Variants in TBC1D1 observed in about 807,000 individuals in gnomAD.
TBC1D1 encodes TBC1 domain family member 1.
Under a neutral mutation model 125.6 loss-of-function variants are expected in TBC1D1, and 89 were observed. The observed-to-expected ratio is 0.71, with a 90% CI of 0.60 to 0.85. The LOEUF (loss-of-function observed/expected upper bound fraction) is 0.85, where lower values mean the gene tolerates loss of function less well. Among genes scored for constraint, TBC1D1 ranks in the 40% least tolerant of loss-of-function variants. TBC1D1 has a pLI of 0.00. For missense variants in TBC1D1, 1,377 were observed against 1,469.2 expected (o/e 0.94, Z 1.03); for synonymous variants, 565 against 564.1 (o/e 1.00, Z -0.02).
chr4:38,052,790 A>G (rs1194549054), intron 11 of TBC1D1, among the ~76,000 whole-genome samples: 1 of 150,888 alleles, frequency 6.6e-6, no homozygotes, highest in African/African-American at 2.4e-5. Flanking sequence ...TTGATCATGT[A>G]CACTGCAATT....
intron 18 of TBC1D1, 115 bp from the exon 21 acceptor site, chr4:38,132,969 G>T: frequency 2.6e-6 from 2 of 769,914 alleles, no homozygotes; most frequent in Admixed American, 3.0e-5. Flanking sequence ...CAAGTGTAGA[G>T]CTAAGCGTAG....
chr4:37,905,450 G>A lies in TBC1D1; in HGVS notation c.417+2938G>A, dbSNP rs544828977. On this transcript the variant is annotated intron_variant, in intron 2 of 19. Transcript: ENST00000261439. ...ATTTTTTAAAATTGAGAAGCAAAAGGACGTCAGAAGGAGCCAAATTAGGCC... is the reference window on the plus strand; with the variant it reads ...ATTTTTTAAAATTGAGAAGCAAAAGAACGTCAGAAGGAGCCAAATTAGGCC... Among the ~76,000 whole-genome samples, 17 of 152,256 alleles carry A rather than the reference G, an allele frequency of 1.1e-4. No homozygotes were observed. The East Asian group carries it at 3.1e-3, about 28-fold the overall frequency.
At chr4:38,041,649 A>G (rs749028579) in intron 8 of TBC1D1, among the ~76,000 whole-genome samples, 24 of 152,266 alleles carry the variant, frequency 1.6e-4, no homozygotes, top group Non-Finnish European at 3.1e-4. Flanking sequence ...AAATTTGTCA[A>G]CAGGAATAAA....
chr4:37,920,548 T>C (rs961055065), intron 2 of TBC1D1, among the ~76,000 whole-genome samples: 2 of 152,116 alleles, frequency 1.3e-5, no homozygotes, highest in African/African-American at 4.8e-5. Context: ...GCCGATGACT[T>C]CCACTGCAGA....
chr4:38,091,717 T>C (rs1044923783), intron 13 of TBC1D1, among the ~76,000 whole-genome samples: 1 of 152,304 alleles, frequency 6.6e-6, no homozygotes, highest in East Asian at 1.9e-4. Context: ...GCAAAACCAG[T>C]GTGCCACAAA....
rs768175721 is a variant in TBC1D1 at position 38,054,303 on chromosome 4, C to T, written c.2015C>T (p.Pro672Leu). Residue 672 changes from proline (P) to leucine (L), a missense_variant, in exon 12 of 20, where the codon CCG becomes CTG. By Grantham distance (98) the Pro-to-Leu change is moderately conservative. Coordinates refer to ENST00000261439, the MANE Select transcript of TBC1D1 (RefSeq NM_015173.4). ...CAGATATTCCTCCGAGTAGCCACCC[C>T]GCAGAAGGCGTGCGATTCTTCCAGC... 1 of 1,614,146 alleles carries T rather than the reference C, an allele frequency of 6.2e-7. No individual in the cohort carries two copies. Among genetic ancestry groups the T allele is most frequent in the East Asian group, 2.2e-5 (1 of 44,888 alleles).
At chr4:37,892,284 C>T (rs1284303964) in intron 1 of TBC1D1, among the ~76,000 whole-genome samples, 2 of 152,136 alleles carry the variant, frequency 1.3e-5, no homozygotes, top group African/African-American at 2.4e-5. Context: ...GGGGTGGTGG[C>T]ACCCACCTGT....
intron 2 of TBC1D1, among the ~76,000 whole-genome samples, chr4:38,000,172 G>A (rs1738717962): frequency 6.6e-6 from 1 of 152,112 alleles, no homozygotes; most frequent in African/African-American, 2.4e-5. Flanking sequence ...ATTCATATAT[G>A]CAATACATAT....
intron 6 of TBC1D1, among the ~76,000 whole-genome samples, chr4:38,023,169 C>T (rs1197855625): frequency 1.3e-5 from 2 of 151,398 alleles, no homozygotes; most frequent in African/African-American, 2.4e-5. Context: ...ATCATTTGAG[C>T]CCGGGAGATG....
At chr4:37,962,112 G>A (rs1290576991) in intron 2 of TBC1D1, among the ~76,000 whole-genome samples, 1 of 152,206 alleles carries the variant, frequency 6.6e-6, no homozygotes, top group Non-Finnish European at 1.5e-5. Flanking sequence ...TCACTATGGT[G>A]TCCAAGTACT....
intron 2 of TBC1D1, among the ~76,000 whole-genome samples, chr4:37,998,241 A>T (rs564987106): frequency 1.3e-5 from 2 of 152,258 alleles, no homozygotes; most frequent in East Asian, 3.9e-4. Flanking sequence ...AGCGCCAGGC[A>T]CTGGGTTACA....
chr4:37,973,368 A>G (rs1316843180), intron 2 of TBC1D1, among the ~76,000 whole-genome samples: 1 of 152,198 alleles, frequency 6.6e-6, no homozygotes, highest in Non-Finnish European at 1.5e-5. Context: ...TCCCGCTGTT[A>G]ACTGTTACAT....
At chr4:37,986,105 G>A (rs558273400) in intron 2 of TBC1D1, among the ~76,000 whole-genome samples, 45 of 152,228 alleles carry the variant, frequency 3.0e-4, no homozygotes, top group African/African-American at 9.9e-4. Context: ...ACTGCCTATG[G>A]CCCTCAAATA....
intron 1 of TBC1D1, among the ~76,000 whole-genome samples, chr4:37,897,531 T>C (rs367562974): frequency 1.5e-4 from 23 of 152,322 alleles, no homozygotes; most frequent in East Asian, 7.7e-4. Context: ...CTTCAGGCAT[T>C]GAAATGTTTT....
At chr4:38,079,104 C>T (rs994505079) in intron 12 of TBC1D1, among the ~76,000 whole-genome samples, 4 of 140,626 alleles carry the variant, frequency 2.8e-5, no homozygotes, top group African/African-American at 5.6e-5. Context: ...GAGGCTCCCA[C>T]GGTGGAGGGG....
chr4:38,135,884 G>A (rs1578887049), intron 19 of TBC1D1, among the ~76,000 whole-genome samples: 1 of 150,576 alleles, frequency 6.6e-6, no homozygotes, highest in Non-Finnish European at 1.5e-5. Context: ...GTGTGTGTGT[G>A]TGTATATATG....
At chr4:37,976,650 T>G (rs1321853890) in intron 2 of TBC1D1, among the ~76,000 whole-genome samples, 3 of 128,130 alleles carry the variant, frequency 2.3e-5, no homozygotes, top group Non-Finnish European at 4.5e-5. Context: ...ACCTTTGGAC[T>G]TTTTTTTTTT....
At chr4:38,134,904 C>T (rs1311644510) in intron 19 of TBC1D1, among the ~76,000 whole-genome samples, 2 of 152,216 alleles carry the variant, frequency 1.3e-5, no homozygotes, top group Non-Finnish European at 2.9e-5. Flanking sequence ...GAACTGTGGT[C>T]TATGCCAACC....
intron 12 of TBC1D1, among the ~76,000 whole-genome samples, chr4:38,078,405 A>T (rs1243346271): frequency 1.3e-5 from 2 of 152,122 alleles, no homozygotes; most frequent in Non-Finnish European, 2.9e-5. Flanking sequence ...TGTTTTAGGG[A>T]TGGGGTAGCT....
Sources: gnomAD v4.1 joint callset for allele counts (sites outside exome capture counted in the v4.1 genomes callset) on GRCh38, gnomAD v4.1.1 for gene constraint, MANE v1.5 for transcripts, NCBI Gene and HGNC (gene_info 2026-07-23, HGNC 2026-07-21) for gene names.